The following TXNRD1 variants were observed in gnomAD, a reference collection of about 807,000 sequenced individuals.
TXNRD1 encodes the protein thioredoxin reductase 1, cytoplasmic.
In TXNRD1, 57 loss-of-function variants were observed where a neutral mutation model predicts 80.3. The ratio of observed to expected loss-of-function variants is 0.71; its 90% confidence interval spans 0.57 to 0.89. The LOEUF (loss-of-function observed/expected upper bound fraction) is 0.89. Ranked by LOEUF, TXNRD1 falls within the 40% of genes least tolerant of loss-of-function variation. TXNRD1 has a pLI of 0.00. For synonymous variants in TXNRD1, 291 were observed against 285.2 expected, an observed-to-expected ratio of 1.02 and a Z score of -0.20; for missense variants, 730 against 803.0, an observed-to-expected ratio of 0.91 and a Z score of 1.10.
chr12:104,266,742 T>G (rs930473611), intron 3 of TXNRD1, among the ~76,000 whole-genome samples: 2 of 151,868 alleles, frequency 1.3e-5, no homozygotes, highest in South Asian at 4.1e-4. Flanking sequence ...GGCGAGCGGA[T>G]CACGAGGTCA....
At chr12:104,281,638 C>A (rs1299274110) in intron 3 of TXNRD1, among the ~76,000 whole-genome samples, 3 of 151,956 alleles carry the variant, frequency 2.0e-5, no homozygotes, top group African/African-American at 7.3e-5. Context: ...AATCTCCTGA[C>A]CTCGTGATCC....
chr12:104,275,651 G>A (rs992478673), intron 3 of TXNRD1, among the ~76,000 whole-genome samples: 2 of 152,126 alleles, frequency 1.3e-5, no homozygotes, highest in Admixed American at 1.3e-4. Context: ...CCAAAATGCT[G>A]GGATTACAGG....
intron 4 of TXNRD1, among the ~76,000 whole-genome samples, chr12:104,289,884 C>T (rs1758485237): frequency 6.6e-6 from 1 of 152,144 alleles, no homozygotes. Flanking sequence ...AGGTGCCCGC[C>T]ACTACACCCA....
At position 104,291,221 on chromosome 12, in the gene TXNRD1, G is replaced by A. The variant is rs184462362; in HGVS notation, c.414+2181G>A. On this transcript the variant is annotated intron_variant, in intron 4 of 16. Transcript: ENST00000525566. Reference sequence around the variant, plus strand: ...CTTTTTTTTTTTTTTTTTTTTTTGAGACAAAGTCTCGCTCTGTTGCTCAGG... The same window carrying A: ...CTTTTTTTTTTTTTTTTTTTTTTGAAACAAAGTCTCGCTCTGTTGCTCAGG... 2,696 of 404,160 alleles carry A rather than the reference G, an allele frequency of 6.7e-3. 100 individuals carry two copies. The African/African-American group carries it at 0.07, about 10-fold the overall frequency. The allele number at this position is 404,160 out of a possible 1,614,324, so 25.0% of individuals were successfully genotyped here.
At chr12:104,265,622 C>T (rs2033466788) in intron 3 of TXNRD1, 2 of 1,607,574 alleles carry the variant, frequency 1.2e-6, no homozygotes, top group Admixed American at 3.3e-5. Flanking sequence ...ACCGCAGGCG[C>T]TGTCACCCAG....
chr12:104,338,857 C>T (rs1433681960), intron 15 of TXNRD1, among the ~76,000 whole-genome samples: 1 of 151,954 alleles, frequency 6.6e-6, no homozygotes, highest in Non-Finnish European at 1.5e-5. Context: ...GCTGGAACTA[C>T]AGGCACCCGC....
At chr12:104,330,315 T>A (rs1465787653) in intron 13 of TXNRD1, among the ~76,000 whole-genome samples, 1 of 152,216 alleles carries the variant, frequency 6.6e-6, no homozygotes, top group Non-Finnish European at 1.5e-5. Flanking sequence ...GGCATTTACA[T>A]AATATATTTT....
intron 13 of TXNRD1, among the ~76,000 whole-genome samples, chr12:104,328,027 C>T (rs182887000): frequency 6.6e-6 from 1 of 151,748 alleles, no homozygotes; most frequent in African/African-American, 2.4e-5. Flanking sequence ...GGCATGGTGG[C>T]GCATGCCTGT....
rs766050563 is a variant in TXNRD1 at position 104,327,584 on chromosome 12, A to G, written c.1455A>G (p.Ile485Met). The G allele has an allele frequency of 1.9e-6, 3 of 1,613,684 alleles. No individual in the cohort carries two copies. In the Admixed American group the frequency reaches 5.0e-5, roughly 27 times the overall value. The change falls in exon 13 of 17, where the codon ATA (isoleucine) becomes ATG (methionine). Residue 485 changes from isoleucine to methionine, a missense_variant. Physicochemically the swap from Ile to Met is conservative, Grantham distance 10 (BLOSUM62 1). Transcript: ENST00000525566. ...NVPYIYAIGDILEDKVELTPV... is the reference protein window; with the variant it reads ...NVPYIYAIGDMLEDKVELTPV... ...CTTACATCTATGCCATTGGCGATAT[A>G]TTGGAGGATAAGGTGGAGCTCACCC...
rs371552408 is a variant in TXNRD1, at chr12:104,331,524, T to C, written c.1543-10T>C. 2.9e-5 allele frequency: 46 copies of C among 1,585,262 alleles called. No homozygotes were observed. The African/African-American group carries it at 5.5e-4, about 19-fold the overall frequency. On this transcript the variant is annotated splice_polypyrimidine_tract_variant and intron_variant, in intron 13 of 16. Transcript: ENST00000525566. Reference sequence around the variant, plus strand: ...GCCTATTATAACTCCTTACCTCCATTTTTAAACAGTGTGACTATGAAAATG... The same window carrying C: ...GCCTATTATAACTCCTTACCTCCATCTTTAAACAGTGTGACTATGAAAATG...
chr12:104,292,226 T>G (rs180897907), intron 4 of TXNRD1, among the ~76,000 whole-genome samples: 37 of 152,288 alleles, frequency 2.4e-4, no homozygotes, highest in African/African-American at 7.2e-4. Flanking sequence ...GGTGACTCCC[T>G]TGATAAAGGA....
intron 4 of TXNRD1, chr12:104,309,913 C>A: frequency 6.5e-7 from 1 of 1,536,104 alleles, no homozygotes; most frequent in Non-Finnish European, 8.7e-7. Flanking sequence ...TCCCTTCAGT[C>A]CCTGAGCCAC....
chr12:104,267,946 T>A (rs1307693446), intron 3 of TXNRD1, among the ~76,000 whole-genome samples: 1 of 150,512 alleles, frequency 6.6e-6, no homozygotes, highest in Non-Finnish European at 1.5e-5. Flanking sequence ...ATCTCCCGGG[T>A]TCAAACAATT....
At chr12:104,265,568 G>A in intron 3 of TXNRD1, 3 of 1,608,392 alleles carry the variant, frequency 1.9e-6, no homozygotes, top group East Asian at 4.5e-5. Flanking sequence ...TATGACTCCC[G>A]GAGCGGCACC....
intron 2 of TXNRD1, among the ~76,000 whole-genome samples, chr12:104,254,747 G>A (rs2033214456): frequency 7.4e-6 from 1 of 135,106 alleles, no homozygotes. Context: ...GGAGTTAAAG[G>A]TTACAGTGAG....
chr12:104,289,281 T>C, intron 4 of TXNRD1: 1 of 406,708 alleles, frequency 2.5e-6, no homozygotes, highest in East Asian at 3.9e-5. Flanking sequence ...AAAATAGCTT[T>C]TTAAAAATGT....
At chr12:104,249,010 C>G (rs1346639022) in intron 1 of TXNRD1, among the ~76,000 whole-genome samples, 1 of 152,192 alleles carries the variant, frequency 6.6e-6, no homozygotes, top group East Asian at 1.9e-4. Flanking sequence ...GAAATTACAA[C>G]AAGCTAGTTT....
intron 2 of TXNRD1, among the ~76,000 whole-genome samples, chr12:104,256,746 C>T (rs1351124611): frequency 7.0e-5 from 10 of 143,726 alleles, no homozygotes; most frequent in Admixed American, 5.7e-4. Context: ...TGCCACTGCA[C>T]TCCACTGGTG....
At chr12:104,299,968 A>G (rs143243561) in intron 4 of TXNRD1, among the ~76,000 whole-genome samples, 1 of 152,200 alleles carries the variant, frequency 6.6e-6, no homozygotes, top group African/African-American at 2.4e-5. Flanking sequence ...ATAAGTGTAT[A>G]TGTTAGAGTG....
Sources: allele counts gnomAD v4.1 joint callset (sites outside exome capture counted in the v4.1 genomes callset), GRCh38; gene constraint gnomAD v4.1.1; transcripts MANE v1.5; gene names NCBI Gene and HGNC (gene_info 2026-07-23, HGNC 2026-07-21).